The following SALL3 variants were observed in gnomAD, a reference collection of about 807,000 sequenced individuals.
SALL3 encodes sal-like protein 3.
A neutral mutation model predicts 66.2 loss-of-function variants in SALL3; 25 were observed. The ratio of observed to expected loss-of-function variants is 0.38; its 90% CI spans 0.28 to 0.53. SALL3 has a LOEUF of 0.53. SALL3 is among the 20% of genes least tolerant of loss of function. The probability of loss-of-function intolerance (pLI) is 0.85; values close to 1 mark genes in which losing one functional copy is unlikely to be tolerated. For synonymous variants in SALL3, 1,152 were observed against 899.1 expected, an observed-to-expected ratio of 1.28 and a Z score of -5.03; for missense variants, 2,194 against 1,916.5, an observed-to-expected ratio of 1.14 and a Z score of -2.70.
Position 78,997,101 on chromosome 18 carries a change from A to G in SALL3, c.3682A>G (p.Asn1228Asp). Residue 1228 changes from asparagine (N) to aspartate (D), a missense_variant, in exon 3 of 3, where the codon AAC (asparagine) becomes GAC (aspartate). By Grantham distance (23) the Asn-to-Asp change is conservative. Transcript: ENST00000537592. ...CACTAACGGGCTCGCCATGAAGAAC[A>G]ACGAGATCTCCGTCATCCAGAACGG... ...AITNGLAMKN[N>D]EISVIQNGGI... 1 of 1,614,044 alleles carries G rather than the reference A, an allele frequency of 6.2e-7. No individual in the cohort carries two copies. The highest frequency in any genetic ancestry group is 1.1e-5 in the South Asian group (1 of 91,072).
chr18:78,992,760 CAGCTGCCCG>C lies in SALL3; in HGVS notation c.770_778del (p.Gln257_Gly260delinsArg). ...GAGCGCACCGGGCCCGGCCCCCAGC[CAGCTGCCCG>C]GGCTGGCCGCGCTCCCGCTGTCGGC... On this transcript the variant is annotated inframe_deletion, in exon 2 of 3. Transcript: ENST00000537592. 6 of 1,107,110 alleles carry C rather than the reference CAGCTGCCCG, an allele frequency of 5.4e-6. No individual in the cohort carries two copies. Among genetic ancestry groups the C allele is most frequent in the Non-Finnish European group, 6.6e-6 (6 of 909,054 alleles). 68.6% of individuals were successfully genotyped at this position (1,107,110 alleles called of 1,614,324 possible).
chr18:78,994,934 C>G lies in SALL3; in HGVS notation c.2943C>G (p.Val981=). 6.2e-7 allele frequency: 1 copy of G among 1,613,672 alleles called. No homozygotes were observed. The highest frequency in any genetic ancestry group is 1.1e-5 in the South Asian group (1 of 91,084). ...AGTGTCCCAGCACTGTGTGTGGTGT[C>G]TGTGGCAAGCCTTTTGCTTGCAAGA... ...RGKCPSTVCG[V]CGKPFACKSA... is the part of the protein sequence containing the mutation. The change falls in exon 2 of 3, where the codon GTC becomes GTG. Residue 981 remains valine, a synonymous_variant. Transcript: ENST00000537592.
In SALL3 at chr18:78,997,301, CAAG is replaced by C. The variant is rs908093411; in HGVS notation, c.3883_3885del (p.Lys1295del). On this transcript the variant is annotated inframe_deletion, in exon 3 of 3. Transcript: ENST00000537592. ...CATTCACGCGGTTTATCGAGGATAACAAGGAGATTGGTATCAACTAGCCAGTGA... is the reference window on the plus strand; with the variant it reads ...CATTCACGCGGTTTATCGAGGATAACGAGATTGGTATCAACTAGCCAGTGA... 10 of 1,613,610 alleles carry C rather than the reference CAAG, an allele frequency of 6.2e-6. No individual in the cohort carries two copies. Among genetic ancestry groups the C allele is most frequent in the African/African-American group, 4.0e-5 (3 of 74,922 alleles).
At chr18:78,987,052 T>TAA (rs753650128) in intron 1 of SALL3, among the ~76,000 whole-genome samples, 3 of 151,102 alleles carry the variant, frequency 2.0e-5, no homozygotes, top group Non-Finnish European at 3.0e-5. Flanking sequence ...AAACTTATTT[T>TAA]TAAAAAAAAA....
intron 1 of SALL3, among the ~76,000 whole-genome samples, chr18:78,990,163 T>C: frequency 6.6e-6 from 1 of 152,378 alleles, no homozygotes; most frequent in Admixed American, 6.5e-5. Context: ...TTTATTTTGC[T>C]AATGTGCCTA....
Position 78,980,365 on chromosome 18 carries a change from CGGGGCTGCGGGGTGGCCGGGGGGTCT to C in SALL3, c.82+18_82+43del, listed in dbSNP as rs781275349. The C allele has an allele frequency of 2.4e-5, 34 of 1,404,874 alleles. No individual in the cohort carries two copies. The South Asian group carries it at 3.4e-4, about 14-fold the overall frequency. 87.0% of individuals were successfully genotyped at this position (1,404,874 alleles called of 1,614,324 possible). On this transcript the variant is annotated intron_variant, in intron 1 of 2. Transcript: ENST00000537592. ...CGGGGCTCCCGAGCACGGTGAGGGC[CGGGGCTGCGGGGTGGCCGGGGGGTCT>C]GGGGCTGCCCGTCCGGGCTGGGGAA...
In SALL3 at chr18:78,992,692, A is replaced by C; in HGVS notation, c.701A>C (p.Gln234Pro). 1 of 1,516,320 alleles carries C rather than the reference A, an allele frequency of 6.6e-7. No individual in the cohort carries two copies. The highest frequency in any genetic ancestry group is 8.8e-7 in the Non-Finnish European group (1 of 1,136,958). The allele number at this position is 1,516,320 out of a possible 1,614,324, so 93.9% of individuals were successfully genotyped here. ...ATCCGCAGCCAGGTGGCCCTCATGCAGCGCCCGCCGCCGCGGCCCTCACTC... is the reference window on the plus strand; with the variant it reads ...ATCCGCAGCCAGGTGGCCCTCATGCCGCGCCCGCCGCCGCGGCCCTCACTC... ...EQIRSQVALM[Q>P]RPPPRPSLSP... is the part of the protein sequence containing the mutation. The change falls in exon 2 of 3, where the codon CAG becomes CCG. Residue 234 changes from glutamine to proline, a missense_variant. By Grantham distance (76) the Gln-to-Pro change is moderately conservative. Transcript: ENST00000537592.
intron 1 of SALL3, among the ~76,000 whole-genome samples, chr18:78,980,735 C>T (rs1048702966): frequency 4.0e-5 from 6 of 151,802 alleles, no homozygotes; most frequent in African/African-American, 1.5e-4. Context: ...CCGGCGGCGG[C>T]GGGGAAGGCG....
At position 78,994,651 on chromosome 18, in the gene SALL3, A is replaced by G. The variant is rs765348781; in HGVS notation, c.2660A>G (p.Glu887Gly). The change falls in exon 2 of 3, where the codon GAG becomes GGG. Residue 887 changes from glutamate to glycine, a missense_variant. By Grantham distance (98) the Glu-to-Gly change is moderately conservative. Transcript: ENST00000537592. ...NDSSSAVGDLESRSAGSPALS... is the reference protein window; with the variant it reads ...NDSSSAVGDLGSRSAGSPALS... ...TCCTCGTCGGCCGTGGGCGACCTGG[A>G]GAGCCGCAGCGCGGGCAGCCCCGCC... 9.3e-6 allele frequency: 15 copies of G among 1,609,228 alleles called. No homozygotes were observed. Among genetic ancestry groups the G allele is most frequent in the Middle Eastern group, 1.6e-4 (1 of 6,064 alleles).
chr18:78,987,487 T>C (rs1336730221), intron 1 of SALL3, among the ~76,000 whole-genome samples: 2 of 152,232 alleles, frequency 1.3e-5, no homozygotes, highest in East Asian at 3.9e-4. Context: ...TCTGTACAAC[T>C]GAGAAACACA....
At chr18:78,986,212 C>G (rs1914240865) in intron 1 of SALL3, among the ~76,000 whole-genome samples, 1 of 152,226 alleles carries the variant, frequency 6.6e-6, no homozygotes, top group East Asian at 1.9e-4. Flanking sequence ...TGCTTCACTG[C>G]ACAGGTTAAA....
rs1568295411 is a variant in SALL3, at chr18:78,993,812, G to A, written c.1821G>A (p.Arg607=). 1 of 1,552,110 alleles carries A rather than the reference G, an allele frequency of 6.4e-7. No individual in the cohort carries two copies. The change falls in exon 2 of 3, where the codon AGG becomes AGA. Residue 607 remains arginine, a synonymous_variant. Transcript: ENST00000537592. ...EPVSLPCTNA[R]AGDAPVGAQA... ...TCAGCCTGCCCTGCACCAACGCCAG[G>A]GCCGGGGACGCTCCCGTGGGCGCGC...
rs1170698304 is a variant in SALL3 at position 78,992,896 on chromosome 18, C to G, written c.905C>G (p.Pro302Arg). 4 of 985,994 alleles carry G rather than the reference C, an allele frequency of 4.1e-6. No individual in the cohort carries two copies. Among genetic ancestry groups the G allele is most frequent in the Non-Finnish European group, 4.8e-6 (4 of 832,180 alleles). The allele number at this position is 985,994 out of a possible 1,614,324, so 61.1% of individuals were successfully genotyped here. ...LSRPESGAST[P>R]GGPAEPSAPA... ...CGGCCCGAGTCTGGCGCCAGCACCC[C>G]CGGCGGCCCTGCGGAGCCCAGCGCG... The change falls in exon 2 of 3, where the codon CCC (proline) becomes CGC (arginine). Residue 302 changes from proline to arginine, a missense_variant. Pro to Arg is a moderately radical substitution (Grantham distance 103, BLOSUM62 -2). Transcript: ENST00000537592.
intron 1 of SALL3, among the ~76,000 whole-genome samples, chr18:78,988,950 GTTTCC>G (rs531926602): frequency 2.0e-4 from 30 of 152,258 alleles, no homozygotes; most frequent in African/African-American, 7.2e-4. Context: ...AGCATAGTCT[GTTTCC>G]TTGGGCTCAT....
In SALL3 at chr18:78,995,342, G is replaced by C; in HGVS notation, c.3351G>C (p.Ser1117=). 2 of 1,573,054 alleles carry C rather than the reference G, an allele frequency of 1.3e-6. No homozygotes were observed. The highest frequency in any genetic ancestry group is 1.7e-6 in the Non-Finnish European group (2 of 1,166,024). ...CGCCCAAGCAGCACAACTGCCAGTC[G>C]TGCGGGAAGACCTTCTCCTCGGCCA... is the stretch of plus-strand genomic sequence containing the variant. ...RRTPKQHNCQ[S]CGKTFSSASA... Residue 1117 remains serine, a synonymous_variant, in exon 2 of 3, where the codon TCG becomes TCC. Transcript: ENST00000537592.
At position 78,993,943 on chromosome 18, in the gene SALL3, G is replaced by T. The variant is rs754011701; in HGVS notation, c.1952G>T (p.Gly651Val). Residue 651 changes from glycine to valine, a missense_variant, in exon 2 of 3, where the codon GGG (glycine) becomes GTG (valine). Physicochemically the swap from Gly to Val is moderately radical, Grantham distance 109. Coordinates refer to ENST00000537592, the MANE Select transcript of SALL3 (RefSeq NM_171999.4). The part of the protein sequence containing the change: ...EQFKAQFPFG[G>V]LLDSMQTSET... ...TTCAAGGCCCAGTTTCCGTTCGGGG[G>T]GCTGCTAGACTCGATGCAAACGTCG... is the stretch of plus-strand genomic sequence containing the variant. 1.2e-6 allele frequency: 2 copies of T among 1,609,854 alleles called. No homozygotes were observed. Among genetic ancestry groups the T allele is most frequent in the African/African-American group, 1.3e-5 (1 of 74,858 alleles).
In SALL3 at chr18:78,992,810, C is replaced by T. The variant is rs1914501476; in HGVS notation, c.819C>T (p.Ala273=). ...ALPLSAGAPA[A]AIAGSGPAAP... ...CGCTGTCGGCCGGGGCCCCTGCCGC[C>T]GCCATCGCGGGCTCGGGCCCCGCCG... Residue 273 remains alanine, a synonymous_variant, in exon 2 of 3, where the codon GCC becomes GCT. Transcript: ENST00000537592. The T allele has an allele frequency of 3.1e-6, 3 of 980,520 alleles. No individual in the cohort carries two copies. The highest frequency in any genetic ancestry group is 1.1e-4 in the East Asian group (1 of 8,704). 60.7% of individuals were successfully genotyped at this position (980,520 alleles called of 1,614,324 possible).
Position 78,993,037 on chromosome 18 carries a change from G to C in SALL3, c.1046G>C (p.Gly349Ala), listed in dbSNP as rs770042183. The change falls in exon 2 of 3, where the codon GGG becomes GCG. Residue 349 changes from glycine to alanine, a missense_variant. Gly to Ala is a moderately conservative substitution (Grantham distance 60, BLOSUM62 0). Transcript: ENST00000537592. ...TCCACGCCGCCTGCCCTGGCCCCGG[G>C]GTCCCTGCTGGGTGCGGCGCCCGGC... ...SASTPPALAP[G>A]SLLGAAPGLP... The C allele has an allele frequency of 2.5e-6, 4 of 1,575,020 alleles. No individual in the cohort carries two copies. Among genetic ancestry groups the C allele is most frequent in the East Asian group, 2.3e-5 (1 of 43,318 alleles).
Position 78,994,567 on chromosome 18 carries a change from T to G in SALL3, c.2576T>G (p.Leu859Arg). The G allele has an allele frequency of 6.2e-7, 1 of 1,608,670 alleles. No homozygotes were observed. Among genetic ancestry groups the G allele is most frequent in the African/African-American group, 1.3e-5 (1 of 74,132 alleles). Residue 859 changes from leucine to arginine, a missense_variant, in exon 2 of 3, where the codon CTG (leucine) becomes CGG (arginine). Leu to Arg is a moderately radical substitution (Grantham distance 102). Coordinates refer to ENST00000537592, the MANE Select transcript of SALL3 (RefSeq NM_171999.4). The stretch of plus-strand genomic sequence containing the variant: ...GACTCGGTCATGAGCTGCCAGCAGC[T>G]GACCGGCCTCAAGTCCGTGGAGAAC... The part of the protein sequence containing the change: ...MIDSVMSCQQ[L>R]TGLKSVENGS...
Sources: allele counts gnomAD v4.1 joint callset (sites outside exome capture counted in the v4.1 genomes callset), GRCh38; gene constraint gnomAD v4.1.1; transcripts MANE v1.5; gene names NCBI Gene and HGNC (gene_info 2026-07-23, HGNC 2026-07-21).